KRABD5: variants seen among roughly 807,000 people sequenced by gnomAD.
KRABD5 encodes the protein KRAB domain containing 5.
chr16:31,722,815 T>C, the KRABD5 span: 5 of 1,475,492 alleles, frequency 3.4e-6, no homozygotes, highest in Admixed American at 1.3e-4. Flanking sequence ...TTTCTTTCCT[T>C]TGTAGAATGT....
the KRABD5 span, among the ~76,000 whole-genome samples, chr16:31,734,430 T>A: frequency 1.3e-5 from 2 of 152,126 alleles, no homozygotes; most frequent in African/African-American, 4.8e-5. Context: ...TTAAAAAATT[T>A]TTGCAGAGAT....
At chr16:31,713,508 G>A in the KRABD5 span, 1 of 1,553,908 alleles carries the variant, frequency 6.4e-7, no homozygotes, top group Non-Finnish European at 8.7e-7. Flanking sequence ...CCTCTTTGAG[G>A]TTAGCTTCGG....
chr16:31,722,666 G>A, the KRABD5 span: 101 of 1,613,260 alleles, frequency 6.3e-5, 1 homozygote, highest in South Asian at 5.5e-4. Context: ...GAATTCTCTC[G>A]GGAGGAGTGG....
At chr16:31,716,122 A>C in the KRABD5 span, among the ~76,000 whole-genome samples, 1 of 152,160 alleles carries the variant, frequency 6.6e-6, no homozygotes, top group Admixed American at 6.5e-5. Context: ...GTTTCCTGCC[A>C]AAATTCCCAT....
chr16:31,736,273 T>G, the KRABD5 span, among the ~76,000 whole-genome samples: 6 of 152,158 alleles, frequency 3.9e-5, no homozygotes, highest in African/African-American at 1.4e-4. Flanking sequence ...TTAATGCCAG[T>G]ATAATGCTGT....
At chr16:31,735,118 TTC>T in the KRABD5 span, among the ~76,000 whole-genome samples, 7 of 152,224 alleles carry the variant, frequency 4.6e-5, no homozygotes, top group East Asian at 3.9e-4. Flanking sequence ...CTTTCTTTTT[TTC>T]TTTCTTTCTT....
chr16:31,750,764 C>T, the KRABD5 span, among the ~76,000 whole-genome samples: 1 of 151,618 alleles, frequency 6.6e-6, no homozygotes, highest in African/African-American at 2.4e-5. Context: ...AAAAGCTTAT[C>T]TCATATATAT....
At chr16:31,726,191 A>C in the KRABD5 span, among the ~76,000 whole-genome samples, 1 of 152,182 alleles carries the variant, frequency 6.6e-6, no homozygotes, top group South Asian at 2.1e-4. Context: ...CCTTTTGCTC[A>C]TAAATATCCA....
the KRABD5 span, among the ~76,000 whole-genome samples, chr16:31,729,763 T>C: frequency 6.6e-6 from 1 of 152,148 alleles, no homozygotes; most frequent in African/African-American, 2.4e-5. Context: ...TTTTTGTTGT[T>C]TTTATATACT....
the KRABD5 span, among the ~76,000 whole-genome samples, chr16:31,730,602 G>A: frequency 6.6e-6 from 1 of 152,050 alleles, no homozygotes; most frequent in Admixed American, 6.5e-5. Flanking sequence ...TCCTTTTCCA[G>A]ATTTGGGGAG....
the KRABD5 span, chr16:31,759,202 T>G: frequency 1.4e-6 from 1 of 738,094 alleles, no homozygotes; most frequent in Non-Finnish European, 2.1e-6. Context: ...TGTCCATTAA[T>G]AAGAAAATGA....
At chr16:31,717,239 G>T in the KRABD5 span, among the ~76,000 whole-genome samples, 2 of 151,444 alleles carry the variant, frequency 1.3e-5, no homozygotes, top group Admixed American at 6.6e-5. Context: ...CAGGTGATCT[G>T]CCTGCCTCGG....
the KRABD5 span, among the ~76,000 whole-genome samples, chr16:31,752,910 A>C: frequency 6.6e-6 from 1 of 152,170 alleles, no homozygotes; most frequent in Non-Finnish European, 1.5e-5. Context: ...ATAGATTTCT[A>C]CTTCTCTAGC....
At chr16:31,734,512 A>G in the KRABD5 span, among the ~76,000 whole-genome samples, 2 of 152,094 alleles carry the variant, frequency 1.3e-5, no homozygotes, top group African/African-American at 4.8e-5. Context: ...TCCGCCTCCC[A>G]AAGTACAGGG....
At chr16:31,755,304 G>T in the KRABD5 span, 2 of 506,790 alleles carry the variant, frequency 3.9e-6, no homozygotes, top group Non-Finnish European at 8.1e-6. Flanking sequence ...CCCTATAAAT[G>T]CAAAGAATGT....
the KRABD5 span, among the ~76,000 whole-genome samples, chr16:31,723,826 C>A: frequency 2.0e-5 from 3 of 152,066 alleles, no homozygotes; most frequent in Admixed American, 2.0e-4. Flanking sequence ...AATTTCTAAT[C>A]CTATGGTGGT....
the KRABD5 span, chr16:31,723,108 T>C: frequency 5.7e-6 from 5 of 870,614 alleles, no homozygotes; most frequent in South Asian, 5.2e-5. Context: ...AAATGCTTCC[T>C]GAATATTCTA....
the KRABD5 span, among the ~76,000 whole-genome samples, chr16:31,717,818 G>C: frequency 6.6e-6 from 1 of 152,104 alleles, no homozygotes. Flanking sequence ...AAGACTTCCT[G>C]TCACAACCCA....
chr16:31,727,168 C>T, the KRABD5 span, among the ~76,000 whole-genome samples: 3 of 152,176 alleles, frequency 2.0e-5, no homozygotes, highest in East Asian at 5.8e-4. Flanking sequence ...TTAGCTCTAA[C>T]TCTTTTTGTA....
Sources: gnomAD v4.1 joint callset for allele counts (sites outside exome capture counted in the v4.1 genomes callset) on GRCh38, gnomAD v4.1.1 for gene constraint, MANE v1.5 for transcripts, NCBI Gene and HGNC (gene_info 2026-07-23, HGNC 2026-07-21) for gene names.